Variants in MRPL10 observed in about 807,000 individuals in gnomAD.
MRPL10 encodes the protein mitochondrial ribosomal protein L10, also known as large ribosomal subunit protein uL10m.
Under a neutral mutation model 19.8 loss-of-function variants are expected in MRPL10, and 14 were observed. The ratio of observed to expected loss-of-function variants is 0.71; its 90% confidence interval spans 0.47 to 1.11. The LOEUF (loss-of-function observed/expected upper bound fraction) is 1.11. MRPL10 is among the 50% of genes least tolerant of loss of function. The probability of loss-of-function intolerance (pLI) is 0.00; values close to 1 mark genes in which losing one functional copy is unlikely to be tolerated. For missense variants in MRPL10, 318 were observed against 339.6 expected (o/e 0.94, Z 0.50); for synonymous variants, 129 against 139.2 (o/e 0.93, Z 0.52).
At chr17:47,830,589 T>C (rs1471892183) in intron 1 of MRPL10, among the ~76,000 whole-genome samples, 1 of 151,962 alleles carries the variant, frequency 6.6e-6, no homozygotes, top group East Asian at 1.9e-4. Context: ...CACTGCAACC[T>C]CTGCCTCCTG....
rs115672207 is a variant in MRPL10 at position 47,831,207 on chromosome 17, G to A, written c.52+253C>T. The stretch of plus-strand genomic sequence containing the variant: ...GAAGACCTGAGGTGACATTTAGACT[G>A]ACACATTAAGATGGAGACATAATGC... On this transcript the variant is annotated intron_variant, in intron 1 of 4. Coordinates refer to ENST00000351111, the MANE Select transcript of MRPL10 (RefSeq NM_145255.4). 2.7e-4 allele frequency: 253 copies of A among 931,528 alleles called. 1 individual carries two copies. The African/African-American group carries it at 4.0e-3, about 15-fold the overall frequency. 57.7% of individuals were successfully genotyped at this position (931,528 alleles called of 1,614,324 possible). A position where few individuals can be genotyped will look rare whatever the true frequency, so the allele number is the denominator to read the frequency against.
At chr17:47,826,538 C>T in intron 4 of MRPL10, 99 bp downstream of exon 4, 2 of 1,442,278 alleles carry the variant, frequency 1.4e-6, no homozygotes, top group Non-Finnish European at 9.5e-7. Context: ...TGAAAGGATG[C>T]TCTCTCCAAG....
chr17:47,828,816 G>A (rs1269836758), intron 1 of MRPL10, 146 bp from the exon 2 acceptor site: 2 of 576,578 alleles, frequency 3.5e-6, no homozygotes, highest in Non-Finnish European at 2.6e-6. Context: ...GGAATTGTCT[G>A]ACAAAAGTCC....
In MRPL10 at chr17:47,824,314, G is replaced by A. The variant is rs748076847; in HGVS notation, c.677C>T (p.Pro226Leu). The A allele has an allele frequency of 2.5e-6, 4 of 1,614,144 alleles. No individual in the cohort carries two copies. The highest frequency in any genetic ancestry group is 1.7e-5 in the Admixed American group (1 of 60,016). ...AQTHSLLQHQ[P>L]LQLTTLLDQY... ...GTCCAACAGGGTGGTCAGCTGGAGG[G>A]GCTGGTGCTGGAGCAGGGAGTGGGT... is the stretch of plus-strand genomic sequence containing the variant. Residue 226 changes from proline (P) to leucine (L), a missense_variant, in exon 5 of 5, where the codon CCC becomes CTC. Coordinates refer to ENST00000351111, the MANE Select transcript of MRPL10 (RefSeq NM_145255.4).
chr17:47,823,768 C>T lies in MRPL10; in HGVS notation c.*437G>A. The T allele has an allele frequency of 4.0e-6, 1 of 252,786 alleles. No homozygotes were observed. The highest frequency in any genetic ancestry group is 1.4e-3 in the Middle Eastern group (1 of 696). The allele number at this position is 252,786 out of a possible 1,614,324, so 15.7% of individuals were successfully genotyped here. A position where few individuals can be genotyped will look rare whatever the true frequency, so the allele number is the denominator to read the frequency against. ...AAGGAACTAATACATGTACAGCACT[C>T]AGCACAAAGCCTGGCACACAGCAGG... On this transcript the variant is annotated 3_prime_UTR_variant, in exon 5 of 5. Transcript: ENST00000351111.
chr17:47,825,492 G>C (rs1195508070), intron 4 of MRPL10, among the ~76,000 whole-genome samples: 1 of 152,168 alleles, frequency 6.6e-6, no homozygotes. Context: ...GGACATGGTG[G>C]CATGCGCCTG....
At chr17:47,827,272 G>A (rs1452771086) in intron 2 of MRPL10, 68 bp from the exon 3 acceptor site, 1 of 1,457,428 alleles carries the variant, frequency 6.9e-7, no homozygotes, top group Non-Finnish European at 9.4e-7. Flanking sequence ...TGCTCCCTCT[G>A]TGGTAGGTTC....
At chr17:47,825,673 G>A (rs1273377834) in intron 4 of MRPL10, among the ~76,000 whole-genome samples, 2 of 152,154 alleles carry the variant, frequency 1.3e-5, no homozygotes, top group African/African-American at 2.4e-5. Flanking sequence ...TGGGTGTAGA[G>A]TTTCACTGTT....
In MRPL10 at chr17:47,824,400, G is replaced by A. The variant is rs1273376119; in HGVS notation, c.591C>T (p.Leu197=). The A allele has an allele frequency of 6.3e-7, 1 of 1,599,654 alleles. No individual in the cohort carries two copies. Among genetic ancestry groups the A allele is most frequent in the South Asian group, 1.1e-5 (1 of 89,502 alleles). The change falls in exon 5 of 5, where the codon CTC becomes CTT. Residue 197 remains leucine (L), a synonymous_variant. Transcript: ENST00000351111. The part of the protein sequence containing the change: ...SRQGFINYSK[L]PSLPLVQGEL... ...CCCCCTGCACCAGGGGCAGGCTGGG[G>A]AGCTTGGAGTAGTTGATAAAGCCCT...
chr17:47,827,869 C>A (rs1207797176), intron 2 of MRPL10, among the ~76,000 whole-genome samples: 1 of 112,304 alleles, frequency 8.9e-6, no homozygotes, highest in African/African-American at 3.6e-5. Context: ...TGCACACCAA[C>A]CTGGGTGACA....
At chr17:47,831,405 T>G in intron 1 of MRPL10, 55 bp downstream of exon 1, 2 of 1,546,664 alleles carry the variant, frequency 1.3e-6, no homozygotes. Flanking sequence ...GGAGGGCAGA[T>G]GAGGACTAGA....
chr17:47,827,986 C>G (rs1053789795), intron 2 of MRPL10, among the ~76,000 whole-genome samples: 1 of 149,596 alleles, frequency 6.7e-6, no homozygotes, highest in Non-Finnish European at 1.5e-5. Flanking sequence ...AGGCAGATCA[C>G]GAGGTCAGGA....
chr17:47,831,311 CAGTCG>C, intron 1 of MRPL10, 144 bp downstream of exon 1: 2 of 1,530,892 alleles, frequency 1.3e-6, no homozygotes, highest in South Asian at 1.2e-5. Context: ...CTGTGATTAC[CAGTCG>C]AGTCACAAGG....
chr17:47,828,225 A>T, intron 2 of MRPL10: 1 of 276,186 alleles, frequency 3.6e-6, no homozygotes, highest in Non-Finnish European at 6.7e-6. Flanking sequence ...AAAAGATTGG[A>T]GAGATACTCT....
chr17:47,830,697 G>T (rs1430137777), intron 1 of MRPL10, among the ~76,000 whole-genome samples: 1 of 152,086 alleles, frequency 6.6e-6, no homozygotes, highest in Non-Finnish European at 1.5e-5. Context: ...GTAGAGTTGG[G>T]GTTTCGCCAT....
Position 47,828,657 on chromosome 17 carries a change from G to C in MRPL10, c.66C>G (p.Thr22=), listed in dbSNP as rs200207088. 6.6e-7 allele frequency: 1 copy of C among 1,516,530 alleles called. No individual in the cohort carries two copies. The highest frequency in any genetic ancestry group is 8.7e-7 in the Non-Finnish European group (1 of 1,143,650). 93.9% of individuals were successfully genotyped at this position (1,516,530 alleles called of 1,614,324 possible). A position where few individuals can be genotyped will look rare whatever the true frequency, so the allele number is the denominator to read the frequency against. Residue 22 remains threonine, a synonymous_variant, in exon 2 of 5, where the codon ACC becomes ACG. Transcript: ENST00000351111. The stretch of plus-strand genomic sequence containing the variant: ...TGGAGCCATAGCGGACAGTCTGGAG[G>C]GTAGGCAGCCGGCCTGGGAGGGCAT... ...GLLPQAGRLP[T]LQTVRYGSKA...
Position 47,823,705 on chromosome 17 carries a change from TC to T in MRPL10, c.*499del, listed in dbSNP as rs1395511239. On this transcript the variant is annotated 3_prime_UTR_variant, in exon 5 of 5. Transcript: ENST00000351111. ...TGAGCAAGCCACTTAATTTCTCTGC[TC>T]CTTCTCTGTGAAATGGGTACAATGT... 6.1e-6 allele frequency: 1 copy of T among 164,056 alleles called. No homozygotes were observed. The highest frequency in any genetic ancestry group is 2.4e-5 in the African/African-American group (1 of 41,512). 10.2% of individuals were successfully genotyped at this position (164,056 alleles called of 1,614,324 possible).
rs777788491 is a variant in MRPL10 at position 47,824,257 on chromosome 17, G to T, written c.734C>A (p.Ser245Tyr). The T allele has an allele frequency of 2.2e-5, 36 of 1,614,072 alleles. No individual in the cohort carries two copies. The highest frequency in any genetic ancestry group is 2.5e-6 in the Non-Finnish European group (3 of 1,180,038). The change falls in exon 5 of 5, where the codon TCT (serine) becomes TAT (tyrosine). Residue 245 changes from serine to tyrosine, a missense_variant. Ser to Tyr is a moderately radical substitution (Grantham distance 144). Coordinates refer to ENST00000351111, the MANE Select transcript of MRPL10 (RefSeq NM_145255.4). ...QYIREQREKD[S>Y]VMSANGKPDP... Reference sequence around the variant, plus strand: ...TGGCTTCCCATTGGCCGACATGACAGAATCCTTCTCGCGTTGCTCTCTGAT... The same window carrying T: ...TGGCTTCCCATTGGCCGACATGACATAATCCTTCTCGCGTTGCTCTCTGAT...
chr17:47,824,625 A>G (rs544864396), intron 4 of MRPL10, among the ~76,000 whole-genome samples, 167 bp from the exon 5 acceptor site: 271 of 152,194 alleles, frequency 1.8e-3, no homozygotes, highest in South Asian at 3.7e-3. Flanking sequence ...CTTGGGATCG[A>G]TCCCTACTTC....
Sources: allele counts gnomAD v4.1 joint callset (sites outside exome capture counted in the v4.1 genomes callset), GRCh38; gene constraint gnomAD v4.1.1; transcripts MANE v1.5; gene names NCBI Gene and HGNC (gene_info 2026-07-23, HGNC 2026-07-21).